The following ELAVL2 variants were observed in gnomAD, a reference collection of about 807,000 sequenced individuals.
The protein encoded by ELAVL2 is ELAV-like protein 2.
In ELAVL2, 4 loss-of-function variants were observed where a neutral mutation model predicts 34.6. The observed-to-expected ratio is 0.12, with a 90% CI of 0.06 to 0.26. The LOEUF (loss-of-function observed/expected upper bound fraction) is 0.26, where lower values mean the gene tolerates loss of function less well. Ranked by LOEUF, ELAVL2 falls within the 10% of genes least tolerant of loss-of-function variation. The probability of loss-of-function intolerance (pLI) is 1.00; values close to 1 mark genes in which losing one functional copy is unlikely to be tolerated. For synonymous variants in ELAVL2, 193 were observed against 154.8 expected (o/e 1.25, Z -1.83); for missense variants, 432 against 442.8 (o/e 0.98, Z 0.22).
chr9:23,782,412 A>G (rs1489358699), intron 1 of ELAVL2, among the ~76,000 whole-genome samples: 3 of 138,688 alleles, frequency 2.2e-5, no homozygotes, highest in Non-Finnish European at 4.8e-5. Flanking sequence ...TTAAAAATAC[A>G]AAAAAAAAAA....
At chr9:23,800,749 A>G (rs78895609) in intron 1 of ELAVL2, among the ~76,000 whole-genome samples, 1,946 of 152,310 alleles carry the variant, frequency 0.013, 21 homozygotes, top group East Asian at 0.067. Context: ...ACTAAACTTT[A>G]AATTTAGTTT....
At chr9:23,711,868 T>C (rs2133702932) in intron 3 of ELAVL2, among the ~76,000 whole-genome samples, 1 of 152,230 alleles carries the variant, frequency 6.6e-6, no homozygotes, top group East Asian at 1.9e-4. Flanking sequence ...CATATTAAAT[T>C]GAGAGTTTAT....
chr9:23,777,209 A>G (rs953207028), intron 1 of ELAVL2, among the ~76,000 whole-genome samples: 1 of 151,984 alleles, frequency 6.6e-6, no homozygotes, highest in Non-Finnish European at 1.5e-5. Flanking sequence ...AGATCGAGCT[A>G]AAAAGAAATT....
At chr9:23,724,260 C>T (rs1220179465) in intron 3 of ELAVL2, among the ~76,000 whole-genome samples, 4 of 152,150 alleles carry the variant, frequency 2.6e-5, no homozygotes, top group African/African-American at 9.7e-5. Context: ...ACACTGCCAC[C>T]AAGAACCCTG....
Position 23,691,753 on chromosome 9 carries a change from C to G in ELAVL2, c.*804G>C, listed in dbSNP as rs2033258578. 1.3e-5 allele frequency: 2 copies of G among 152,658 alleles called. No homozygotes were observed. The highest frequency in any genetic ancestry group is 4.1e-4 in the South Asian group (2 of 4,828). The allele number at this position is 152,658 out of a possible 1,614,324, so 9.5% of individuals were successfully genotyped here. On this transcript the variant is annotated 3_prime_UTR_variant, in exon 7 of 7. Coordinates refer to ENST00000397312, the MANE Select transcript of ELAVL2 (RefSeq NM_004432.5). ...AGTATTTTCTACACCATAAATCTTT[C>G]TAAATTTTCCAACCGCTGCAAATTT...
At chr9:23,776,387 G>C (rs2058191530) in intron 1 of ELAVL2, among the ~76,000 whole-genome samples, 1 of 152,054 alleles carries the variant, frequency 6.6e-6, no homozygotes, top group Admixed American at 6.6e-5. Flanking sequence ...TTCAAAATAA[G>C]CCAATCTCAT....
rs952599876 is a variant in ELAVL2, at chr9:23,693,019, T to C, written c.753-135A>G. Reference sequence around the variant, plus strand: ...CTCCCCCAACAAATATATAAACTATTTCATGTTTTGACCAAGGTCTGTGTG... The same window carrying C: ...CTCCCCCAACAAATATATAAACTATCTCATGTTTTGACCAAGGTCTGTGTG... On this transcript the variant is annotated intron_variant, in intron 6 of 6. Coordinates refer to ENST00000397312, the MANE Select transcript of ELAVL2 (RefSeq NM_004432.5). 300 of 820,630 alleles carry C rather than the reference T, an allele frequency of 3.7e-4. 6 individuals carry two copies. Among genetic ancestry groups the C allele is most frequent in the Admixed American group, 5.8e-5 (2 of 34,518 alleles). The allele number at this position is 820,630 out of a possible 1,614,324, so 50.8% of individuals were successfully genotyped here.
chr9:23,697,668 C>A (rs982975087), intron 5 of ELAVL2, among the ~76,000 whole-genome samples: 3 of 151,962 alleles, frequency 2.0e-5, no homozygotes, highest in African/African-American at 7.3e-5. Flanking sequence ...TCAGATCATT[C>A]CTATTTTAAA....
intron 2 of ELAVL2, among the ~76,000 whole-genome samples, chr9:23,736,277 T>G (rs1369029664): frequency 6.6e-6 from 1 of 152,118 alleles, no homozygotes; most frequent in Non-Finnish European, 1.5e-5. Flanking sequence ...AATTTTGTAT[T>G]TAAAAAAAAC....
intron 1 of ELAVL2, among the ~76,000 whole-genome samples, chr9:23,794,302 C>G (rs972121068): frequency 7.9e-5 from 12 of 152,176 alleles, no homozygotes; most frequent in Non-Finnish European, 1.8e-4. Context: ...GTGACACTTT[C>G]CTAGAACACT....
At chr9:23,822,550 C>T (rs1283401934) in intron 1 of ELAVL2, among the ~76,000 whole-genome samples, 2 of 152,198 alleles carry the variant, frequency 1.3e-5, no homozygotes, top group Admixed American at 6.5e-5. Context: ...AGCTCAATCC[C>T]TTTTCCCCAG....
chr9:23,739,240 G>A (rs1179892525), intron 2 of ELAVL2, among the ~76,000 whole-genome samples: 2 of 152,170 alleles, frequency 1.3e-5, no homozygotes, highest in African/African-American at 2.4e-5. Flanking sequence ...GACTGAGATA[G>A]TGTAGCACGC....
At chr9:23,738,869 CCT>C (rs757886826) in intron 2 of ELAVL2, among the ~76,000 whole-genome samples, 1 of 152,140 alleles carries the variant, frequency 6.6e-6, no homozygotes, top group African/African-American at 2.4e-5. Flanking sequence ...ATATCTGTCC[CCT>C]GATTATGCAA....
At chr9:23,804,924 T>C (rs2062025145) in intron 1 of ELAVL2, among the ~76,000 whole-genome samples, 1 of 152,208 alleles carries the variant, frequency 6.6e-6, no homozygotes, top group South Asian at 2.1e-4. Flanking sequence ...TTTCCAGCTC[T>C]AACATTCTCT....
chr9:23,696,889 A>G (rs576277962), intron 5 of ELAVL2, among the ~76,000 whole-genome samples: 2 of 152,108 alleles, frequency 1.3e-5, no homozygotes, highest in South Asian at 4.2e-4. Context: ...TGGAAGGTAA[A>G]TATTAAAGTA....
In ELAVL2 at chr9:23,692,469, C is replaced by T; in HGVS notation, c.*88G>A. On this transcript the variant is annotated 3_prime_UTR_variant, in exon 7 of 7. Transcript: ENST00000397312. Reference sequence around the variant, plus strand: ...TTATCCCCATCTCAACACTGACTTACAAAGACATTTACTAATGTATAAAGT... The same window carrying T: ...TTATCCCCATCTCAACACTGACTTATAAAGACATTTACTAATGTATAAAGT... The T allele has an allele frequency of 7.3e-6, 10 of 1,373,774 alleles. No homozygotes were observed. The South Asian group carries it at 1.4e-4, about 19-fold the overall frequency. The allele number at this position is 1,373,774 out of a possible 1,614,324, so 85.1% of individuals were successfully genotyped here.
intron 2 of ELAVL2, among the ~76,000 whole-genome samples, chr9:23,752,599 C>T (rs551806383): frequency 2.0e-5 from 3 of 152,100 alleles, no homozygotes; most frequent in South Asian, 4.2e-4. Context: ...GGATTACAGG[C>T]ACCCAGCACC....
chr9:23,791,247 G>A (rs1366710072), intron 1 of ELAVL2, among the ~76,000 whole-genome samples: 2 of 152,196 alleles, frequency 1.3e-5, no homozygotes, highest in Admixed American at 6.5e-5. Context: ...CTAATCGCAG[G>A]GGTGGGAGCA....
chr9:23,707,995 T>C (rs2133493554), intron 3 of ELAVL2, among the ~76,000 whole-genome samples: 1 of 152,282 alleles, frequency 6.6e-6, no homozygotes, highest in East Asian at 1.9e-4. Flanking sequence ...AATGGGTTTA[T>C]ATTTAATGCT....
Sources: allele counts gnomAD v4.1 joint callset (sites outside exome capture counted in the v4.1 genomes callset), GRCh38; gene constraint gnomAD v4.1.1; transcripts MANE v1.5; gene names NCBI Gene and HGNC (gene_info 2026-07-23, HGNC 2026-07-21).